Variants in STAG1 observed in about 807,000 individuals in gnomAD.
STAG1 encodes cohesin subunit SA-1.
STAG1 carries 26 observed loss-of-function variants against 170.9 expected under a neutral mutation model. The ratio of observed to expected loss-of-function variants is 0.15; its 90% CI spans 0.11 to 0.21. The LOEUF is 0.21. Ranked by LOEUF, STAG1 falls within the 10% of genes least tolerant of loss-of-function variation. The pLI is 1.00. For missense variants in STAG1, 964 were observed against 1,509.5 expected (o/e 0.64, Z 5.99); for synonymous variants, 514 against 497.7 (o/e 1.03, Z -0.44).
intron 1 of STAG1, among the ~76,000 whole-genome samples, chr3:136,633,409 G>A (rs112556707): frequency 6.6e-6 from 1 of 152,166 alleles, no homozygotes; most frequent in Non-Finnish European, 1.5e-5. Flanking sequence ...TACAAGAAAT[G>A]CTAAAGGGAG....
chr3:136,690,852 T>G (rs1037974142), intron 1 of STAG1, among the ~76,000 whole-genome samples: 4 of 151,536 alleles, frequency 2.6e-5, no homozygotes, highest in African/African-American at 9.7e-5. Flanking sequence ...ATTTCTTTGG[T>G]GGATTTGACT....
chr3:136,466,637 CA>C (rs148797833), intron 12 of STAG1, among the ~76,000 whole-genome samples: 2 of 152,096 alleles, frequency 1.3e-5, no homozygotes, highest in Non-Finnish European at 2.9e-5. Context: ...CGTTCAGATT[CA>C]GGAAATACAG....
chr3:136,517,465 A>C (rs1289390714), intron 7 of STAG1, among the ~76,000 whole-genome samples: 3 of 152,196 alleles, frequency 2.0e-5, no homozygotes, highest in Non-Finnish European at 4.4e-5. Context: ...AAAAATTTGA[A>C]GTCAACAAGT....
At chr3:136,354,329 A>G (rs191651994) in intron 28 of STAG1, among the ~76,000 whole-genome samples, 78 of 152,330 alleles carry the variant, frequency 5.1e-4, no homozygotes, top group Non-Finnish European at 3.4e-4. Context: ...ATCGCACTCT[A>G]TCGTCCAGGG....
chr3:136,486,242 G>A (rs920623034), intron 9 of STAG1, among the ~76,000 whole-genome samples: 1 of 152,128 alleles, frequency 6.6e-6, no homozygotes, highest in African/African-American at 2.4e-5. Flanking sequence ...AAATTATTGG[G>A]TTAGAAGCAA....
chr3:136,690,497 A>G (rs989312734), intron 1 of STAG1, among the ~76,000 whole-genome samples: 1 of 152,234 alleles, frequency 6.6e-6, no homozygotes, highest in Non-Finnish European at 1.5e-5. Context: ...TGGGCCTCTC[A>G]AAGTGCTGGG....
Position 136,399,992 on chromosome 3 carries a change from G to A in STAG1, c.2197-1163C>T, listed in dbSNP as rs147568633. 2.5e-4 allele frequency among the ~76,000 whole-genome samples: 38 copies of A among 151,916 alleles called. 1 individual carries two copies. The East Asian group carries it at 7.0e-3, about 28-fold the overall frequency. ...GGCTGGAGTGCAGTGGTGTGATCAC[G>A]GCTCACTGCAGCCTCAGCCTCCCTG... On this transcript the variant is annotated intron_variant, in intron 21 of 33. Transcript: ENST00000383202.
intron 10 of STAG1, among the ~76,000 whole-genome samples, chr3:136,475,088 A>G (rs903798339): frequency 2.7e-5 from 4 of 146,596 alleles, no homozygotes; most frequent in Non-Finnish European, 6.0e-5. Context: ...CCACATTTTC[A>G]TTAGTCTGTT....
chr3:136,743,644 T>C (rs190118742), intron 1 of STAG1, among the ~76,000 whole-genome samples: 1,654 of 152,238 alleles, frequency 0.011, 15 homozygotes, highest in Non-Finnish European at 0.016. Context: ...TCCAGATGGC[T>C]TATCACTGGT....
chr3:136,391,897 T>C (rs2087020773), intron 22 of STAG1, among the ~76,000 whole-genome samples: 1 of 152,208 alleles, frequency 6.6e-6, no homozygotes, highest in Non-Finnish European at 1.5e-5. Context: ...GAAAACCTAT[T>C]GGTGAAACCC....
At position 136,337,161 on chromosome 3, in the gene STAG1, A is replaced by ACTT. The variant is rs1935713216; in HGVS notation, c.*1090_*1092dup. On this transcript the variant is annotated 3_prime_UTR_variant, in exon 34 of 34. Coordinates refer to ENST00000383202, the MANE Select transcript of STAG1 (RefSeq NM_005862.3). ...TAGGAACTTCACCCTCTAAGCACAG[A>ACTT]CTTCTATGCAGCACATACTTCTATA... The ACTT allele has an allele frequency of 6.6e-6, 1 of 152,658 alleles. No individual in the cohort carries two copies. Among genetic ancestry groups the ACTT allele is most frequent in the Non-Finnish European group, 1.5e-5 (1 of 68,044 alleles). The allele number at this position is 152,658 out of a possible 1,614,324, so 9.5% of individuals were successfully genotyped here.
At chr3:136,540,461 C>T (rs1935836805) in intron 6 of STAG1, among the ~76,000 whole-genome samples, 1 of 152,132 alleles carries the variant, frequency 6.6e-6, no homozygotes, top group East Asian at 1.9e-4. Flanking sequence ...CTCATTCTTA[C>T]TTTTCTTAAT....
chr3:136,540,466 C>A (rs1034761397), intron 6 of STAG1, among the ~76,000 whole-genome samples: 2 of 152,042 alleles, frequency 1.3e-5, no homozygotes, highest in African/African-American at 4.8e-5. Flanking sequence ...TCTTACTTTT[C>A]TTAATAGTTT....
At chr3:136,741,263 A>C (rs1934655658) in intron 1 of STAG1, among the ~76,000 whole-genome samples, 1 of 152,230 alleles carries the variant, frequency 6.6e-6, no homozygotes, top group Admixed American at 6.5e-5. Context: ...GCAAATGCTG[A>C]CTGTCTGGCT....
At chr3:136,714,942 T>TATATATATATTAA (rs1943482579) in intron 1 of STAG1, among the ~76,000 whole-genome samples, 1 of 35,780 alleles carries the variant, frequency 2.8e-5, no homozygotes, top group South Asian at 7.4e-4. Context: ...ATATTAAATA[T>TATATATATATTAA]ATATATATAT....
In STAG1 at chr3:136,405,791, CAAAAAAAAAAAAAAAAAAA is replaced by C. The variant is rs34952291; in HGVS notation, c.2197-6981_2197-6963del. ...GGGTGACAGAATGAGACTCTATCTC[CAAAAAAAAAAAAAAAAAAA>C]AAAAAAAAAAAGGAAAAATGTTAAA... On this transcript the variant is annotated intron_variant, in intron 21 of 33. Transcript: ENST00000383202. Among the ~76,000 whole-genome samples, 4 of 50,098 alleles carry C rather than the reference CAAAAAAAAAAAAAAAAAAA, an allele frequency of 8.0e-5. No individual in the cohort carries two copies. The East Asian group carries it at 2.5e-3, about 32-fold the overall frequency. The allele number at this position is 50,098 out of a possible 152,430, so 32.9% of individuals were successfully genotyped here.
At chr3:136,606,957 A>G (rs1411978873) in intron 3 of STAG1, among the ~76,000 whole-genome samples, 1 of 151,782 alleles carries the variant, frequency 6.6e-6, no homozygotes, top group Non-Finnish European at 1.5e-5. Context: ...TCACTGTGTT[A>G]GGCAGGATGG....
intron 11 of STAG1, among the ~76,000 whole-genome samples, chr3:136,473,070 C>G (rs1264986428): frequency 6.6e-6 from 1 of 152,162 alleles, no homozygotes; most frequent in Admixed American, 6.5e-5. Flanking sequence ...GCATTAGATT[C>G]TCAATAGGAA....
chr3:136,358,173 T>G (rs1936727905), intron 27 of STAG1, among the ~76,000 whole-genome samples: 1 of 151,750 alleles, frequency 6.6e-6, no homozygotes, highest in Non-Finnish European at 1.5e-5. Context: ...CTGCCTTGAC[T>G]TCCTGGGCTT....
Sources: gnomAD v4.1 joint callset for allele counts (sites outside exome capture counted in the v4.1 genomes callset) on GRCh38, gnomAD v4.1.1 for gene constraint, MANE v1.5 for transcripts, NCBI Gene and HGNC (gene_info 2026-07-23, HGNC 2026-07-21) for gene names.